The following USP44 variants were observed in gnomAD, a reference collection of about 807,000 sequenced individuals.
The protein encoded by USP44 is ubiquitin carboxyl-terminal hydrolase 44.
In USP44, 61 loss-of-function variants were observed where a neutral mutation model predicts 69.0. The observed-to-expected ratio is 0.88, with a 90% CI of 0.72 to 1.09. USP44 has a LOEUF of 1.09. Among genes scored for constraint, USP44 ranks in the 50% least tolerant of loss-of-function variants. USP44 has a pLI of 0.00. For missense variants in USP44, 753 were observed against 849.9 expected (o/e 0.89, Z 1.42); for synonymous variants, 297 against 295.4 (o/e 1.01, Z -0.06).
Position 95,534,318 on chromosome 12 carries a change from A to T in USP44, c.-62T>A. On this transcript the variant is annotated 5_prime_UTR_variant, in exon 2 of 6. The change abolishes an upstream ATG in the 5' untranslated region. Transcript: ENST00000258499. ...AGTCTCTGTTCACAACACTTGAAGC[A>T]TCTGAAAACTAAACAGAACAATGTC... 2.7e-5 allele frequency: 39 copies of T among 1,432,984 alleles called. No individual in the cohort carries two copies. The highest frequency in any genetic ancestry group is 3.6e-5 in the Non-Finnish European group (38 of 1,049,446). 88.8% of individuals were successfully genotyped at this position (1,432,984 alleles called of 1,614,324 possible).
Position 95,533,827 on chromosome 12 carries a change from C to G in USP44, c.430G>C (p.Asp144His). The change falls in exon 2 of 6, where the codon GAT becomes CAT. Residue 144 changes from aspartate (D) to histidine (H), a missense_variant. Physicochemically the swap from Asp to His is moderately conservative, Grantham distance 81. Transcript: ENST00000258499. The part of the protein sequence containing the change: ...DGAQSLLQSE[D>H]QLYTALWHRR... Reference sequence around the variant, plus strand: ...TGCCAAAGAGCAGTATACAGTTGATCTTCACTTTGAAGCAGAGATTGGGCA... The same window carrying G: ...TGCCAAAGAGCAGTATACAGTTGATGTTCACTTTGAAGCAGAGATTGGGCA... The G allele has an allele frequency of 6.2e-7, 1 of 1,614,100 alleles. No homozygotes were observed. Among genetic ancestry groups the G allele is most frequent in the Non-Finnish European group, 8.5e-7 (1 of 1,180,030 alleles).
chr12:95,520,109 T>G (rs1448812650), intron 5 of USP44, among the ~76,000 whole-genome samples: 1 of 148,164 alleles, frequency 6.7e-6, no homozygotes, highest in Non-Finnish European at 1.5e-5. Flanking sequence ...TTATTGGGCT[T>G]CTTGTCCTCA....
chr12:95,550,523 A>T (rs1265041635), intron 1 of USP44, among the ~76,000 whole-genome samples: 1 of 152,254 alleles, frequency 6.6e-6, no homozygotes, highest in African/African-American at 2.4e-5. Flanking sequence ...TAAAAGCATT[A>T]CATGAGGGCA....
chr12:95,522,738 A>G (rs2076704653), intron 4 of USP44, among the ~76,000 whole-genome samples: 1 of 147,432 alleles, frequency 6.8e-6, no homozygotes, highest in South Asian at 2.1e-4. Flanking sequence ...AGATTGCGCC[A>G]TTGCACTCCA....
At chr12:95,521,842 C>T (rs1037875579) in intron 4 of USP44, among the ~76,000 whole-genome samples, 1 of 152,038 alleles carries the variant, frequency 6.6e-6, no homozygotes, top group Non-Finnish European at 1.5e-5. Flanking sequence ...GAGGGTTATC[C>T]CAGATGGGAG....
Position 95,532,848 on chromosome 12 carries a change from T to C in USP44, c.1409A>G (p.His470Arg). 1 of 1,584,728 alleles carries C rather than the reference T, an allele frequency of 6.3e-7. No homozygotes were observed. The highest frequency in any genetic ancestry group is 8.6e-7 in the Non-Finnish European group (1 of 1,168,452). ...QVLNVVNNIF[H>R]GQLLSQVTCL... is the part of the protein sequence containing the mutation. ...CCATACCTGACTAAGAAGTTGTCCATGAAAAATGTTATTTACAACATTCAG... is the reference window on the plus strand; with the variant it reads ...CCATACCTGACTAAGAAGTTGTCCACGAAAAATGTTATTTACAACATTCAG... The change falls in exon 2 of 6, where the codon CAT becomes CGT. Residue 470 changes from histidine (H) to arginine (R), a missense_variant. Coordinates refer to ENST00000258499, the MANE Select transcript of USP44 (RefSeq NM_032147.5).
chr12:95,544,549 G>A (rs1484045738), intron 1 of USP44, among the ~76,000 whole-genome samples: 3 of 152,072 alleles, frequency 2.0e-5, no homozygotes, highest in African/African-American at 7.2e-5. Flanking sequence ...GGCGTAATCA[G>A]TAGCTCAATT....
At chr12:95,543,695 G>A (rs1303813384) in intron 1 of USP44, among the ~76,000 whole-genome samples, 2 of 151,326 alleles carry the variant, frequency 1.3e-5, no homozygotes, top group Non-Finnish European at 2.9e-5. Flanking sequence ...GGCCGGGCGC[G>A]GTGGCTCACG....
chr12:95,518,025 T>A lies in USP44; in HGVS notation c.*129A>T, dbSNP rs2076529357. 29 of 937,636 alleles carry A rather than the reference T, an allele frequency of 3.1e-5. No homozygotes were observed. Among genetic ancestry groups the A allele is most frequent in the East Asian group, 5.5e-5 (2 of 36,270 alleles). 58.1% of individuals were successfully genotyped at this position (937,636 alleles called of 1,614,324 possible). The stretch of plus-strand genomic sequence containing the variant: ...CATTTATACTTTGTAAAAAAAAAAA[T>A]TGTTAGATATAAAATGTATAAATGT... On this transcript the variant is annotated 3_prime_UTR_variant, in exon 6 of 6. Transcript: ENST00000258499.
At chr12:95,521,900 G>A (rs1020465811) in intron 4 of USP44, 1 of 357,364 alleles carries the variant, frequency 2.8e-6, no homozygotes, top group Non-Finnish European at 3.9e-6. Flanking sequence ...AACAAAACAG[G>A]GCATCTCTAT....
chr12:95,536,039 C>CTTT (rs397821709), intron 1 of USP44, among the ~76,000 whole-genome samples: 1,480 of 97,484 alleles, frequency 0.015, 49 homozygotes, highest in African/African-American at 0.059. Flanking sequence ...CTTTTTTTTC[C>CTTT]TTTTTTTTTT....
chr12:95,520,851 T>C lies in USP44; in HGVS notation c.1939+146A>G, dbSNP rs1008758849. On this transcript the variant is annotated intron_variant, in intron 5 of 5. Transcript: ENST00000258499. ...TATTTCATGCATTAACTCTCATTTT[T>C]TAGTACCTGCAGAGGCATTCTCCCT... The C allele has an allele frequency of 4.4e-6, 3 of 685,810 alleles. No homozygotes were observed. In the African/African-American group the frequency reaches 5.4e-5, roughly 12 times the overall value. The allele number at this position is 685,810 out of a possible 1,614,324, so 42.5% of individuals were successfully genotyped here.
chr12:95,536,338 C>T (rs1376233777), intron 1 of USP44, among the ~76,000 whole-genome samples: 1 of 152,046 alleles, frequency 6.6e-6, no homozygotes, highest in Non-Finnish European at 1.5e-5. Context: ...CCACCGTGCC[C>T]AGCCCCCATT....
intron 3 of USP44, among the ~76,000 whole-genome samples, chr12:95,527,696 G>T (rs909954031): frequency 2.0e-5 from 3 of 152,038 alleles, no homozygotes; most frequent in Non-Finnish European, 4.4e-5. Context: ...TGTTGGCCAG[G>T]CTGGTCTTGA....
intron 4 of USP44, 135 bp downstream of exon 4, chr12:95,524,544 AT>A (rs1301787479): frequency 1.7e-6 from 1 of 602,748 alleles, no homozygotes; most frequent in Non-Finnish European, 2.8e-6. Flanking sequence ...CTAGCCAAGT[AT>A]ATGATATTAA....
intron 4 of USP44, chr12:95,522,216 G>A: frequency 1.9e-6 from 1 of 515,098 alleles, no homozygotes. Flanking sequence ...TAAAAATATA[G>A]TAGTAAAGTA....
intron 2 of USP44, 51 bp from the exon 3 acceptor site, chr12:95,529,053 T>C: frequency 6.7e-7 from 1 of 1,484,222 alleles, no homozygotes; most frequent in Non-Finnish European, 9.0e-7. Context: ...CATCAAAACA[T>C]TAACTCTTTT....
chr12:95,532,339 T>G (rs1364549993), intron 2 of USP44, among the ~76,000 whole-genome samples: 1 of 152,138 alleles, frequency 6.6e-6, no homozygotes, highest in Non-Finnish European at 1.5e-5. Context: ...AGCTAGCTTT[T>G]GTATTTTTAG....
At position 95,533,905 on chromosome 12, in the gene USP44, T is replaced by C. The variant is rs1175915539; in HGVS notation, c.352A>G (p.Arg118Gly). 1.2e-6 allele frequency: 2 copies of C among 1,614,194 alleles called. No homozygotes were observed. Among genetic ancestry groups the C allele is most frequent in the South Asian group, 2.2e-5 (2 of 91,084 alleles). Residue 118 changes from arginine (R) to glycine (G), a missense_variant, in exon 2 of 6, where the codon AGG becomes GGG. Physicochemically the swap from Arg to Gly is moderately radical, Grantham distance 125. Coordinates refer to ENST00000258499, the MANE Select transcript of USP44 (RefSeq NM_032147.5). ...QNYHCTTRSG[R>G]FLRSMGTGDD... is the part of the protein sequence containing the mutation. ...CCTGTACCCATGGACCGTAAAAACC[T>C]CCCACTACGAGTTGTGCAGTGATAA...
Sources: gnomAD v4.1 joint callset for allele counts (sites outside exome capture counted in the v4.1 genomes callset) on GRCh38, gnomAD v4.1.1 for gene constraint, MANE v1.5 for transcripts, NCBI Gene and HGNC (gene_info 2026-07-23, HGNC 2026-07-21) for gene names.